Variants in CPM observed in about 807,000 individuals in gnomAD.
The protein encoded by CPM is carboxypeptidase M.
Under a neutral mutation model 46.4 loss-of-function variants are expected in CPM, and 35 were observed. That is an observed-to-expected ratio of 0.75 (90% CI 0.58 to 1.00). CPM has a LOEUF of 1.00. Among genes scored for constraint, CPM ranks in the 50% least tolerant of loss-of-function variants. CPM has a pLI of 0.00. For missense variants in CPM, 422 were observed against 530.4 expected (o/e 0.80, Z 2.01); for synonymous variants, 195 against 195.3 (o/e 1.00, Z 0.01).
intron 2 of CPM, among the ~76,000 whole-genome samples, chr12:68,921,615 A>G (rs1450258724): frequency 1.3e-5 from 2 of 152,168 alleles, no homozygotes; most frequent in African/African-American, 4.8e-5. Flanking sequence ...ACTGCCTGAA[A>G]GTCCGTAACT....
intron 2 of CPM, among the ~76,000 whole-genome samples, chr12:68,898,366 A>G (rs2136274687): frequency 6.6e-6 from 1 of 152,256 alleles, no homozygotes; most frequent in East Asian, 1.9e-4. Flanking sequence ...TACTGTGGAG[A>G]AGAAAGGCTT....
rs1884795108 is a variant in CPM, at chr12:68,853,041, G to A, written c.*3396C>T. The A allele has an allele frequency of 6.6e-6, 1 of 152,270 alleles. No homozygotes were observed. The highest frequency in any genetic ancestry group is 2.4e-5 in the African/African-American group (1 of 41,446). 9.4% of individuals were successfully genotyped at this position (152,270 alleles called of 1,614,324 possible). A position where few individuals can be genotyped will look rare whatever the true frequency, so the allele number is the denominator to read the frequency against. The stretch of plus-strand genomic sequence containing the variant: ...GGGCAGGGAGGTGGCTTGGGTACCT[G>A]GTTTGACCACAGTTAGAATATCATG... On this transcript the variant is annotated 3_prime_UTR_variant, in exon 9 of 9. Transcript: ENST00000551568.
chr12:68,959,862 T>A (rs1188537943), intron 1 of CPM, among the ~76,000 whole-genome samples: 1 of 152,252 alleles, frequency 6.6e-6, no homozygotes, highest in Non-Finnish European at 1.5e-5. Flanking sequence ...AGCTCTGCTA[T>A]ATCCCCAGGC....
At chr12:68,906,856 T>C (rs1565790722) in intron 2 of CPM, among the ~76,000 whole-genome samples, 1 of 152,248 alleles carries the variant, frequency 6.6e-6, no homozygotes, top group Non-Finnish European at 1.5e-5. Flanking sequence ...TCCCCTGTGG[T>C]GCATCCATGC....
chr12:68,855,093 C>G lies in CPM; in HGVS notation c.*1344G>C, dbSNP rs1286412626. 1 of 151,924 alleles carries G rather than the reference C, an allele frequency of 6.6e-6. No homozygotes were observed. The highest frequency in any genetic ancestry group is 1.5e-5 in the Non-Finnish European group (1 of 68,124). The allele number at this position is 151,924 out of a possible 1,614,324, so 9.4% of individuals were successfully genotyped here. A position where few individuals can be genotyped will look rare whatever the true frequency, so the allele number is the denominator to read the frequency against. On this transcript the variant is annotated 3_prime_UTR_variant, in exon 9 of 9. Coordinates refer to ENST00000551568, the MANE Select transcript of CPM (RefSeq NM_198320.5). ...CAGGCTGGTCTTGAGCTCCTGACCT[C>G]AAGTGATCCGCCCGCCTTGGCCTCC...
At chr12:68,916,750 A>G (rs1231831090) in intron 2 of CPM, among the ~76,000 whole-genome samples, 1 of 151,968 alleles carries the variant, frequency 6.6e-6, no homozygotes, top group Non-Finnish European at 1.5e-5. Context: ...TTAGCTGGGC[A>G]TGGTGGCACA....
intron 7 of CPM, 137 bp from the exon 8 acceptor site, chr12:68,859,208 G>A: frequency 6.8e-6 from 3 of 439,322 alleles, no homozygotes; most frequent in Non-Finnish European, 7.3e-6. Flanking sequence ...TGTTAGAGAG[G>A]GAAAAAACTT....
At chr12:68,882,681 G>A (rs1397607252) in intron 3 of CPM, among the ~76,000 whole-genome samples, 1 of 152,216 alleles carries the variant, frequency 6.6e-6, no homozygotes. Flanking sequence ...CTCACCAGCA[G>A]TGTGTAAGTG....
rs1021548877 is a variant in CPM at position 68,842,309 on chromosome 12, G to A, written c.555C>T (p.Asn185=). Residue 185 remains asparagine, a synonymous_variant, in exon 6 of 6, where the codon AAC becomes AAT. Coordinates refer to the CPM transcript ENST00000551897. The stretch of plus-strand genomic sequence containing the variant: ...TCAGGCAAAACTCATCTTGACCCCT[G>A]TTGCAGGCAAAGGAACGCAGCTGGA... 33 of 496,028 alleles carry A rather than the reference G, an allele frequency of 6.7e-5. No homozygotes were observed. In the Admixed American group the frequency reaches 7.1e-4, roughly 11 times the overall value. 30.7% of individuals were successfully genotyped at this position (496,028 alleles called of 1,614,324 possible).
chr12:68,961,481 G>C (rs1565812664), intron 1 of CPM, among the ~76,000 whole-genome samples: 1 of 152,110 alleles, frequency 6.6e-6, no homozygotes, highest in Non-Finnish European at 1.5e-5. Context: ...TTTTAGAGAA[G>C]AGGTTTCACC....
At chr12:68,957,910 C>T (rs1889050724) in intron 1 of CPM, among the ~76,000 whole-genome samples, 1 of 126,936 alleles carries the variant, frequency 7.9e-6, no homozygotes, top group African/African-American at 3.0e-5. Flanking sequence ...TCTCATTGTT[C>T]AGTTCCCACC....
rs1369496079 is a variant in CPM at position 68,852,271 on chromosome 12, A to G, written c.*4166T>C. ...TCTGCAGGGACTTAATGTTTTTCTA[A>G]AATACTCTTTGCCATTTAGATTCAA... On this transcript the variant is annotated 3_prime_UTR_variant, in exon 9 of 9. Coordinates refer to ENST00000551568, the MANE Select transcript of CPM (RefSeq NM_198320.5). 6.6e-6 allele frequency: 1 copy of G among 152,222 alleles called. No individual in the cohort carries two copies. Among genetic ancestry groups the G allele is most frequent in the Admixed American group, 6.5e-5 (1 of 15,282 alleles). The allele number at this position is 152,222 out of a possible 1,614,324, so 9.4% of individuals were successfully genotyped here.
intron 1 of CPM, among the ~76,000 whole-genome samples, chr12:68,941,170 C>CGTGTGTGT (rs370705580): frequency 0.13 from 17,900 of 140,076 alleles, 1,188 homozygotes; most frequent in African/African-American, 0.18. Flanking sequence ...GTGCTGAGTA[C>CGTGTGTGT]GTGTGTGTGT....
At chr12:68,868,644 T>C (rs769709192) in intron 6 of CPM, among the ~76,000 whole-genome samples, 4 of 152,086 alleles carry the variant, frequency 2.6e-5, no homozygotes, top group Non-Finnish European at 5.9e-5. Flanking sequence ...GACAATCTCA[T>C]CCTGTCCCTT....
intron 7 of CPM, among the ~76,000 whole-genome samples, chr12:68,859,722 T>C (rs1272330232): frequency 1.3e-5 from 2 of 152,202 alleles, no homozygotes; most frequent in South Asian, 4.2e-4. Context: ...CTCTGGCTTA[T>C]TAAAATAACC....
intron 2 of CPM, among the ~76,000 whole-genome samples, chr12:68,909,923 C>T (rs930610724): frequency 4.0e-5 from 6 of 151,488 alleles, no homozygotes; most frequent in East Asian, 1.9e-4. Context: ...CACCATGGCA[C>T]ATGTATACCT....
chr12:68,847,452 C>CTTTTTTTTTTTTTTT (rs772905678), downstream of CPM: 20 of 88,694 alleles, frequency 2.3e-4, 1 homozygote, highest in African/African-American at 7.9e-4. Context: ...TATCTCCTTT[C>CTTTTTTTTTTTTTTT]TTTTTTTTTT....
At chr12:68,919,558 A>G (rs1280431063) in intron 2 of CPM, among the ~76,000 whole-genome samples, 1 of 152,226 alleles carries the variant, frequency 6.6e-6, no homozygotes, top group Admixed American at 6.5e-5. Flanking sequence ...ATTGACTGAC[A>G]TGGTGTTATG....
At chr12:68,945,126 T>A (rs923255940) in intron 1 of CPM, among the ~76,000 whole-genome samples, 3 of 152,154 alleles carry the variant, frequency 2.0e-5, no homozygotes, top group Admixed American at 2.0e-4. Flanking sequence ...CAGTAAGGGA[T>A]TATAAAAGTA....
Sources: gnomAD v4.1 joint callset for allele counts (sites outside exome capture counted in the v4.1 genomes callset) on GRCh38, gnomAD v4.1.1 for gene constraint, MANE v1.5 for transcripts, NCBI Gene and HGNC (gene_info 2026-07-23, HGNC 2026-07-21) for gene names.